The following ECPAS variants were observed in gnomAD, a reference collection of about 807,000 sequenced individuals.
The protein encoded by ECPAS is proteasome adapter and scaffold protein ECM29.
Under a neutral mutation model 255.1 loss-of-function variants are expected in ECPAS, and 70 were observed. That is an observed-to-expected ratio of 0.27 (90% confidence interval 0.23 to 0.33). The LOEUF is 0.33. ECPAS is among the 10% of genes least tolerant of loss of function. ECPAS has a pLI of 1.00. For synonymous variants in ECPAS, 784 were observed against 775.0 expected (o/e 1.01, Z -0.19); for missense variants, 1,817 against 2,206.4 (o/e 0.82, Z 3.54).
chr9:111,467,182 A>G (rs1007750591), intron 2 of ECPAS, among the ~76,000 whole-genome samples: 1 of 152,136 alleles, frequency 6.6e-6, no homozygotes, highest in African/African-American at 2.4e-5. Context: ...TTAATGGAAA[A>G]AGCATGTTAA....
chr9:111,479,007 G>C (rs955902942), intron 1 of ECPAS, among the ~76,000 whole-genome samples: 1 of 152,198 alleles, frequency 6.6e-6, no homozygotes, highest in Non-Finnish European at 1.5e-5. Context: ...ATGGTGCAAA[G>C]AGGTAAGATG....
At chr9:111,469,315 G>A (rs1040759973) in intron 2 of ECPAS, among the ~76,000 whole-genome samples, 3 of 152,044 alleles carry the variant, frequency 2.0e-5, no homozygotes, top group Admixed American at 6.6e-5. Context: ...GGTGAATCAC[G>A]AGGTCAGGTG....
At chr9:111,436,577 C>T (rs1323569335) in intron 7 of ECPAS, among the ~76,000 whole-genome samples, 1 of 151,936 alleles carries the variant, frequency 6.6e-6, no homozygotes, top group Non-Finnish European at 1.5e-5. Context: ...TGTATTTTAA[C>T]TGCACCATAA....
rs775557119 is a variant in ECPAS, at chr9:111,389,945, A to G, written c.3279+39T>C. 2.9e-6 allele frequency: 4 copies of G among 1,396,866 alleles called. 1 individual carries two copies. The South Asian group carries it at 4.9e-5, about 17-fold the overall frequency. The allele number at this position is 1,396,866 out of a possible 1,614,324, so 86.5% of individuals were successfully genotyped here. A position where few individuals can be genotyped will look rare whatever the true frequency, so the allele number is the denominator to read the frequency against. On this transcript the variant is annotated intron_variant, in intron 30 of 49. Transcript: ENST00000684092. ...TGCCAATGTAGCATGTTTGGTTTGC[A>G]TGAAAAAAATAAATAATTGTCCAGT...
intron 23 of ECPAS, 39 bp from the exon 24 acceptor site, chr9:111,408,711 T>C (rs751586275): frequency 7.0e-6 from 9 of 1,279,446 alleles, no homozygotes; most frequent in Admixed American, 2.5e-5. Flanking sequence ...AAACAGAGTA[T>C]ATAATAGCTT....
chr9:111,398,419 G>A (rs939528569), intron 24 of ECPAS, among the ~76,000 whole-genome samples: 2 of 152,162 alleles, frequency 1.3e-5, no homozygotes, highest in African/African-American at 2.4e-5. Flanking sequence ...CTACATTTAT[G>A]AATAATATAC....
At chr9:111,376,919 CTTT>C (rs1372474897) in intron 36 of ECPAS, among the ~76,000 whole-genome samples, 2 of 152,162 alleles carry the variant, frequency 1.3e-5, no homozygotes, top group African/African-American at 4.8e-5. Flanking sequence ...ACGTGCAGTT[CTTT>C]AACTTTGTAA....
At position 111,391,754 on chromosome 9, in the gene ECPAS, A is replaced by C; in HGVS notation, c.3161+2T>G. On this transcript the variant is annotated splice_donor_variant, in intron 29 of 49. Coordinates refer to ENST00000684092, the MANE Select transcript of ECPAS (RefSeq NM_001364929.1). LOFTEE classifies it high-confidence loss of function. Reference sequence around the variant, plus strand: ...ACCATTCAATGGATTTAGCATACTTACCCATCTGGTGTTTTGCCAAGAGCT... The same window carrying C: ...ACCATTCAATGGATTTAGCATACTTCCCCATCTGGTGTTTTGCCAAGAGCT... 6.3e-7 allele frequency: 1 copy of C among 1,579,934 alleles called. No individual in the cohort carries two copies. The highest frequency in any genetic ancestry group is 8.7e-7 in the Non-Finnish European group (1 of 1,150,952).
At chr9:111,411,415 A>AT (rs1020602886) in intron 21 of ECPAS, among the ~76,000 whole-genome samples, 1 of 152,160 alleles carries the variant, frequency 6.6e-6, no homozygotes, top group Non-Finnish European at 1.5e-5. Context: ...TCCGGGTGAG[A>AT]TGACTTTCCT....
chr9:111,446,955 C>T lies in ECPAS; in HGVS notation c.154-2461G>A, dbSNP rs558098912. Among the ~76,000 whole-genome samples the T allele has an allele frequency of 1.6e-3, 238 of 152,180 alleles. 1 individual carries two copies. The highest frequency in any genetic ancestry group is 2.3e-3 in the Admixed American group (35 of 15,278). ...CCTACCTGTCCTGGATCTGTGATAC[C>T]GCTAGGCGACAAGAGAAAACAATCA... On this transcript the variant is annotated intron_variant, in intron 3 of 49. Coordinates refer to ENST00000684092, the MANE Select transcript of ECPAS (RefSeq NM_001364929.1).
At chr9:111,447,953 G>A (rs1198221025) in intron 3 of ECPAS, among the ~76,000 whole-genome samples, 1 of 152,032 alleles carries the variant, frequency 6.6e-6, no homozygotes, top group Non-Finnish European at 1.5e-5. Context: ...AGGAAAGAAA[G>A]GCAGAGAGGG....
Position 111,408,576 on chromosome 9 carries a change from C to G in ECPAS, c.2647G>C (p.Val883Leu), listed in dbSNP as rs1321394291. ...KLLLQGLMDS[V>L]EAKQIELQFT... ...TCAGGTAGCAATATAAATACCTCCACAGAATCCATCAGACCTTGCAAGAGG... is the reference window on the plus strand; with the variant it reads ...TCAGGTAGCAATATAAATACCTCCAGAGAATCCATCAGACCTTGCAAGAGG... Residue 883 changes from valine to leucine, a missense_variant, in exon 24 of 50, where the codon GTG becomes CTG. Around this residue, in one of 4 missense-constraint regions of ECPAS, gnomAD observed 960 missense variants for 1,179.0 expected, o/e 0.81. Coordinates refer to ENST00000684092, the MANE Select transcript of ECPAS (RefSeq NM_001364929.1). The G allele has an allele frequency of 1.9e-6, 3 of 1,554,096 alleles. No homozygotes were observed. Among genetic ancestry groups the G allele is most frequent in the Non-Finnish European group, 2.6e-6 (3 of 1,151,650 alleles).
intron 17 of ECPAS, 58 bp downstream of exon 17, chr9:111,417,825 T>C: frequency 6.9e-7 from 1 of 1,446,278 alleles, no homozygotes; most frequent in Non-Finnish European, 9.2e-7. Flanking sequence ...TTTAAAGATG[T>C]TTTTATTTTC....
intron 24 of ECPAS, among the ~76,000 whole-genome samples, chr9:111,400,977 A>G (rs4978996): frequency 0.69 from 105,101 of 152,038 alleles, 36,802 homozygotes; most frequent in African/African-American, 0.79. Flanking sequence ...TAATAAACTC[A>G]CAAAGGTCAT....
chr9:111,385,192 G>A, intron 33 of ECPAS, 145 bp downstream of exon 33: 1 of 549,002 alleles, frequency 1.8e-6, no homozygotes, highest in Non-Finnish European at 3.2e-6. Context: ...CAACTTCACA[G>A]ACACATTAAG....
At chr9:111,418,124 T>C (rs900320687) in intron 16 of ECPAS, 118 bp from the exon 17 acceptor site, 2 of 911,646 alleles carry the variant, frequency 2.2e-6, no homozygotes, top group African/African-American at 3.4e-5. Context: ...ATGTCTTAAA[T>C]ACATTCTTGG....
At chr9:111,411,853 A>C in intron 21 of ECPAS, 161 bp downstream of exon 21, 1 of 588,080 alleles carries the variant, frequency 1.7e-6, no homozygotes, top group South Asian at 2.7e-5. Context: ...AAGTGAGCTG[A>C]CTGAACCAAT....
Position 111,370,744 on chromosome 9 carries a change from C to A in ECPAS, c.4759G>T (p.Ala1587Ser), listed in dbSNP as rs781027711. 10 of 1,605,948 alleles carry A rather than the reference C, an allele frequency of 6.2e-6. No individual in the cohort carries two copies. The East Asian group carries it at 1.6e-4, about 25-fold the overall frequency. ...AGKEELLKAIACVVTACSAEL... is the reference protein window; with the variant it reads ...AGKEELLKAISCVVTACSAEL... Reference sequence around the variant, plus strand: ...TACCTGCAAGCTGTCACCACACAGGCAATGGCTTTCAATAGCTCCTCCTAA... The same window carrying A: ...TACCTGCAAGCTGTCACCACACAGGAAATGGCTTTCAATAGCTCCTCCTAA... Residue 1587 changes from alanine to serine, a missense_variant, in exon 44 of 50, where the codon GCC becomes TCC. Coordinates refer to ENST00000684092, the MANE Select transcript of ECPAS (RefSeq NM_001364929.1).
At chr9:111,397,340 T>C (rs770409403) in intron 24 of ECPAS, among the ~76,000 whole-genome samples, 187 bp from the exon 25 acceptor site, 13 of 152,198 alleles carry the variant, frequency 8.5e-5, no homozygotes, top group Non-Finnish European at 1.5e-4. Flanking sequence ...GATATAAGAA[T>C]CCCTTGAAGA....
Sources: allele counts gnomAD v4.1 joint callset (sites outside exome capture counted in the v4.1 genomes callset), GRCh38; gene constraint gnomAD v4.1.1; regional missense constraint gnomAD v4.1.1; transcripts MANE v1.5; gene names NCBI Gene and HGNC (gene_info 2026-07-23, HGNC 2026-07-21).